ADGRB3: variants seen among roughly 807,000 people sequenced by gnomAD.
ADGRB3 encodes the protein adhesion G protein-coupled receptor B3, also known as brain-specific angiogenesis inhibitor 3.
A neutral mutation model predicts 193.4 loss-of-function variants in ADGRB3; 37 were observed. The observed-to-expected ratio is 0.19, with a 90% CI of 0.15 to 0.25. The LOEUF (loss-of-function observed/expected upper bound fraction) is 0.25, where lower values mean the gene tolerates loss of function less well. ADGRB3 is among the 10% of genes least tolerant of loss of function. ADGRB3 has a pLI of 1.00. For missense variants in ADGRB3, 1,637 were observed against 1,852.9 expected (o/e 0.88, Z 2.14); for synonymous variants, 690 against 644.2 (o/e 1.07, Z -1.08).
intron 3 of ADGRB3, among the ~76,000 whole-genome samples, chr6:68,743,284 G>C (rs1412338066): frequency 1.3e-5 from 2 of 151,036 alleles, no homozygotes; most frequent in Non-Finnish European, 2.9e-5. Flanking sequence ...CAATGACTGT[G>C]CTCACCTTCA....
intron 13 of ADGRB3, among the ~76,000 whole-genome samples, chr6:69,020,935 A>G (rs897531810): frequency 3.3e-5 from 5 of 152,020 alleles, no homozygotes; most frequent in Admixed American, 6.6e-5. Context: ...TTGATACTAT[A>G]TATGTAAAAC....
chr6:68,832,134 CTAG>C (rs759983208), intron 3 of ADGRB3, among the ~76,000 whole-genome samples: 8 of 152,092 alleles, frequency 5.3e-5, no homozygotes, highest in Admixed American at 2.6e-4. Flanking sequence ...CGTGAATAAT[CTAG>C]TAGGATTAGA....
At chr6:69,022,132 C>A (rs1357203140) in intron 13 of ADGRB3, among the ~76,000 whole-genome samples, 1 of 151,598 alleles carries the variant, frequency 6.6e-6, no homozygotes, top group Admixed American at 6.6e-5. Flanking sequence ...TTACTAAAGA[C>A]TAAATGCTCT....
At chr6:68,813,152 G>A (rs758552301) in intron 3 of ADGRB3, among the ~76,000 whole-genome samples, 7 of 152,048 alleles carry the variant, frequency 4.6e-5, no homozygotes, top group Admixed American at 6.6e-5. Flanking sequence ...TAAGTCTCAC[G>A]AGATCTAATG....
chr6:69,252,865 G>A (rs1675022834), intron 20 of ADGRB3, among the ~76,000 whole-genome samples: 1 of 151,918 alleles, frequency 6.6e-6, no homozygotes, highest in African/African-American at 2.4e-5. Flanking sequence ...ACTCCTCTAG[G>A]TCATAAAAAT....
chr6:69,181,345 C>T (rs1181537361), intron 17 of ADGRB3, among the ~76,000 whole-genome samples: 2 of 151,248 alleles, frequency 1.3e-5, no homozygotes, highest in Non-Finnish European at 2.9e-5. Flanking sequence ...ATTTACTTTT[C>T]CTCATAATAT....
At chr6:69,375,708 T>C (rs1296157733) in intron 30 of ADGRB3, among the ~76,000 whole-genome samples, 1 of 152,098 alleles carries the variant, frequency 6.6e-6, no homozygotes, top group African/African-American at 2.4e-5. Flanking sequence ...TCTGAAACGC[T>C]AATAGATAAC....
At chr6:68,929,499 T>C (rs55878455) in intron 3 of ADGRB3, among the ~76,000 whole-genome samples, 8,047 of 152,220 alleles carry the variant, frequency 0.053, 298 homozygotes, top group Middle Eastern at 0.15. Flanking sequence ...CTATCTGCAG[T>C]GTCACTGGAA....
At chr6:68,721,627 A>AATATATATATATATATAT (rs71852236) in intron 3 of ADGRB3, among the ~76,000 whole-genome samples, 19 of 140,238 alleles carry the variant, frequency 1.4e-4, no homozygotes, top group African/African-American at 4.7e-4. Flanking sequence ...AAGTATAATA[A>AATATATATATATATATAT]ATATATATAT....
At chr6:68,759,527 G>A (rs1331736330) in intron 3 of ADGRB3, among the ~76,000 whole-genome samples, 1 of 151,914 alleles carries the variant, frequency 6.6e-6, no homozygotes, top group African/African-American at 2.4e-5. Context: ...TAATACAGAT[G>A]CTATGTGTGT....
At chr6:69,132,626 T>G (rs895659303) in intron 17 of ADGRB3, among the ~76,000 whole-genome samples, 2 of 152,188 alleles carry the variant, frequency 1.3e-5, no homozygotes, top group Non-Finnish European at 2.9e-5. Flanking sequence ...GCTCTTTAGT[T>G]TAATTAGATC....
At chr6:69,218,068 CA>C (rs556270079) in intron 17 of ADGRB3, among the ~76,000 whole-genome samples, 1,347 of 81,168 alleles carry the variant, frequency 0.017, 8 homozygotes, top group South Asian at 0.061. Context: ...CTCCAGCTGA[CA>C]AAAAAAAAAA....
intron 17 of ADGRB3, among the ~76,000 whole-genome samples, chr6:69,221,411 A>G (rs1765890848): frequency 6.6e-6 from 1 of 151,998 alleles, no homozygotes. Context: ...TTCCACTGCT[A>G]CTCTCTGGTG....
intron 13 of ADGRB3, among the ~76,000 whole-genome samples, chr6:69,032,801 G>T (rs1407324314): frequency 6.6e-6 from 1 of 152,138 alleles, no homozygotes; most frequent in African/African-American, 2.4e-5. Context: ...TTTAAAACAT[G>T]CTAGCTTTGG....
At chr6:68,705,063 T>G (rs2127311757) in intron 3 of ADGRB3, among the ~76,000 whole-genome samples, 1 of 152,358 alleles carries the variant, frequency 6.6e-6, no homozygotes, top group Admixed American at 6.5e-5. Flanking sequence ...CACAGATTTT[T>G]GTTTTTCTAG....
intron 17 of ADGRB3, among the ~76,000 whole-genome samples, chr6:69,189,840 T>C (rs1765149542): frequency 6.6e-6 from 1 of 152,182 alleles, no homozygotes; most frequent in African/African-American, 2.4e-5. Context: ...TAATGTTGTA[T>C]ACCATTATGC....
chr6:69,228,567 A>G (rs1766069128), intron 17 of ADGRB3, among the ~76,000 whole-genome samples: 1 of 152,154 alleles, frequency 6.6e-6, no homozygotes, highest in Admixed American at 6.5e-5. Context: ...GGTATGAAGA[A>G]ACTGCTGTTA....
At chr6:68,687,382 G>T (rs1389089202) in intron 3 of ADGRB3, among the ~76,000 whole-genome samples, 1 of 151,886 alleles carries the variant, frequency 6.6e-6, no homozygotes, top group East Asian at 1.9e-4. Context: ...ACTATGCATG[G>T]ATTTGCAATG....
At chr6:68,771,961 T>C (rs1400316926) in intron 3 of ADGRB3, among the ~76,000 whole-genome samples, 8 of 152,112 alleles carry the variant, frequency 5.3e-5, no homozygotes, top group Non-Finnish European at 1.0e-4. Context: ...TGGGAAGGCA[T>C]TAACACCTCT....
Sources: gnomAD v4.1 joint callset for allele counts (sites outside exome capture counted in the v4.1 genomes callset) on GRCh38, gnomAD v4.1.1 for gene constraint, MANE v1.5 for transcripts, NCBI Gene and HGNC (gene_info 2026-07-23, HGNC 2026-07-21) for gene names.